Variants in DAB1 observed in about 807,000 individuals in gnomAD.
DAB1 encodes DAB adaptor protein 1, also known as disabled homolog 1.
DAB1 carries 15 observed loss-of-function variants against 64.6 expected under a neutral mutation model. The observed-to-expected ratio is 0.23, with a 90% CI of 0.16 to 0.36. The LOEUF is 0.36. DAB1 is among the 10% of genes least tolerant of loss of function. The pLI is 1.00. For synonymous variants in DAB1, 235 were observed against 251.9 expected (o/e 0.93, Z 0.64); for missense variants, 596 against 706.7 (o/e 0.84, Z 1.78).
At chr1:57,828,083 C>G (rs1248169763) in intron 1 of DAB1, among the ~76,000 whole-genome samples, 2 of 151,998 alleles carry the variant, frequency 1.3e-5, no homozygotes, top group African/African-American at 4.8e-5. Context: ...GTACCTGGGA[C>G]TACAGGCGCC....
At chr1:57,143,781 A>T (rs1226806477) in intron 3 of DAB1, among the ~76,000 whole-genome samples, 1 of 151,940 alleles carries the variant, frequency 6.6e-6, no homozygotes, top group Admixed American at 6.6e-5. Context: ...CACATTTTAC[A>T]TTTATGCATT....
chr1:58,299,720 G>A (rs1251056231), intron 4 of DAB1, among the ~76,000 whole-genome samples: 2 of 152,186 alleles, frequency 1.3e-5, no homozygotes, highest in Non-Finnish European at 2.9e-5. Context: ...CTTCTCAGGA[G>A]CCAGAGCAAG....
chr1:57,184,565 CA>C (rs936194073), intron 2 of DAB1, among the ~76,000 whole-genome samples: 11 of 152,078 alleles, frequency 7.2e-5, no homozygotes, highest in Admixed American at 1.3e-4. Context: ...GCAAGGTTAC[CA>C]AAAATAAGAA....
chr1:58,272,857 G>A (rs1469087556), intron 4 of DAB1, among the ~76,000 whole-genome samples: 1 of 137,944 alleles, frequency 7.2e-6, no homozygotes, highest in Non-Finnish European at 1.6e-5. Context: ...TTTTCCATTT[G>A]CTTGGTAGAT....
intron 2 of DAB1, among the ~76,000 whole-genome samples, chr1:57,259,973 T>G (rs1263493814): frequency 6.6e-6 from 1 of 152,218 alleles, no homozygotes; most frequent in Non-Finnish European, 1.5e-5. Flanking sequence ...TTTCATAGTT[T>G]GTTCCTGATT....
At chr1:57,753,824 C>T (rs999424118) in intron 6 of DAB1, among the ~76,000 whole-genome samples, 3 of 152,160 alleles carry the variant, frequency 2.0e-5, no homozygotes, top group South Asian at 2.1e-4. Context: ...ATGGCAGAGT[C>T]GGCATTTGAA....
At chr1:58,075,648 T>G (rs1418871949) in intron 5 of DAB1, among the ~76,000 whole-genome samples, 7 of 152,192 alleles carry the variant, frequency 4.6e-5, no homozygotes, top group African/African-American at 1.4e-4. Flanking sequence ...CAAAAGGATT[T>G]GTCAAAAATG....
At position 57,061,238 on chromosome 1, in the gene DAB1, G is replaced by C. The variant is rs963032934; in HGVS notation, c.723+1646C>G. Among the ~76,000 whole-genome samples, 125 of 150,388 alleles carry C rather than the reference G, an allele frequency of 8.3e-4. 7 individuals carry two copies. Among genetic ancestry groups the C allele is most frequent in the African/African-American group, 3.0e-3 (122 of 40,788 alleles). ...GAAGCCATATTTAGATGGGGGGGGG[G>C]GGTGGTTTCAAGATCCTGGAAGAGT... On this transcript the variant is annotated intron_variant, in intron 9 of 14. Transcript: ENST00000371236.
intron 1 of DAB1, among the ~76,000 whole-genome samples, chr1:57,318,052 G>A (rs142706229): frequency 1.1e-4 from 17 of 150,890 alleles, no homozygotes; most frequent in East Asian, 3.9e-4. Flanking sequence ...CCTGTAGTCC[G>A]GAGTATTTCC....
chr1:57,629,740 A>AAG (rs1645964813), intron 7 of DAB1, among the ~76,000 whole-genome samples: 2 of 151,868 alleles, frequency 1.3e-5, no homozygotes, highest in Admixed American at 6.6e-5. Context: ...AACTTGAAAA[A>AAG]AAAAAAAAAC....
intron 1 of DAB1, chr1:58,539,460 A>G: frequency 1.7e-6 from 1 of 578,280 alleles, no homozygotes; most frequent in Non-Finnish European, 3.0e-6. Flanking sequence ...CCCTAGAGCA[A>G]CGCCTTTCAG....
chr1:57,124,326 G>A (rs572876103), intron 4 of DAB1, among the ~76,000 whole-genome samples: 37 of 152,170 alleles, frequency 2.4e-4, no homozygotes, highest in African/African-American at 7.2e-4. Flanking sequence ...AAGAGTATGC[G>A]TGTCTATTCA....
rs12568979 is a variant in DAB1 at position 57,223,197 on chromosome 1, T to C, written c.67+67767A>G. On this transcript the variant is annotated intron_variant, in intron 2 of 14. Coordinates refer to ENST00000371236, the MANE Select transcript of DAB1 (RefSeq NM_001365792.1). ...GTGCTATTCAGATGTATGATCAATG[T>C]GGTCATTTGTTAGAAAACCAGGAGA... Among the ~76,000 whole-genome samples, 1,182 of 152,308 alleles carry C rather than the reference T, an allele frequency of 7.8e-3. 31 individuals carry two copies. In the East Asian group the frequency reaches 0.081, roughly 10 times the overall value.
intron 4 of DAB1, chr1:58,228,833 A>G: frequency 1.5e-6 from 1 of 647,886 alleles, no homozygotes; most frequent in Middle Eastern, 2.7e-4. Flanking sequence ...CATAACCAGC[A>G]AGAGACACCA....
chr1:57,197,886 G>A (rs1037858195), intron 2 of DAB1, among the ~76,000 whole-genome samples: 1 of 152,204 alleles, frequency 6.6e-6, no homozygotes, highest in African/African-American at 2.4e-5. Context: ...AGGCAATAAA[G>A]TAGATTAAAT....
chr1:58,362,317 G>A (rs917234407), intron 3 of DAB1, among the ~76,000 whole-genome samples: 2 of 152,166 alleles, frequency 1.3e-5, no homozygotes, highest in African/African-American at 4.8e-5. Context: ...GACTGCCAAG[G>A]TTGGTCCCTC....
In DAB1 at chr1:58,241,328, T is replaced by C. The variant is rs1392954154; in HGVS notation, n.310-90740A>G. Among the ~76,000 whole-genome samples the C allele has an allele frequency of 5.2e-5, 7 of 135,882 alleles. 2 individuals carry two copies. Among genetic ancestry groups the C allele is most frequent in the Admixed American group, 4.9e-4 (7 of 14,162 alleles). 89.1% of individuals were successfully genotyped at this position (135,882 alleles called of 152,430 possible). ...TTGTTAAATGAAATACATTTGGATATCACAAACAAATCATTTCCTACAATC... is the reference window on the plus strand; with the variant it reads ...TTGTTAAATGAAATACATTTGGATACCACAAACAAATCATTTCCTACAATC... On this transcript the variant is annotated intron_variant and non_coding_transcript_variant, in intron 4 of 20. Transcript: ENST00000485760.
At chr1:57,203,474 C>G (rs780450371) in intron 2 of DAB1, among the ~76,000 whole-genome samples, 2 of 152,138 alleles carry the variant, frequency 1.3e-5, no homozygotes, top group Non-Finnish European at 2.9e-5. Flanking sequence ...GAACCAGTGG[C>G]CCACAGACTA....
intron 4 of DAB1, among the ~76,000 whole-genome samples, chr1:58,184,322 A>G (rs1464861067): frequency 6.7e-6 from 1 of 149,038 alleles, no homozygotes; most frequent in African/African-American, 2.4e-5. Context: ...AATAATATAT[A>G]TATAATGCTC....
Sources: allele counts gnomAD v4.1 joint callset (sites outside exome capture counted in the v4.1 genomes callset), GRCh38; gene constraint gnomAD v4.1.1; transcripts MANE v1.5; gene names NCBI Gene and HGNC (gene_info 2026-07-23, HGNC 2026-07-21).